SGCD: variants seen among roughly 807,000 people sequenced by gnomAD.
The protein encoded by SGCD is sarcoglycan delta.
A neutral mutation model predicts 36.6 loss-of-function variants in SGCD; 18 were observed. The ratio of observed to expected loss-of-function variants is 0.49; its 90% CI spans 0.34 to 0.73. The LOEUF (loss-of-function observed/expected upper bound fraction) is 0.73, where lower values mean the gene tolerates loss of function less well. SGCD is among the 30% of genes least tolerant of loss of function. The pLI is 0.01. For missense variants in SGCD, 387 were observed against 346.7 expected, an observed-to-expected ratio of 1.12 and a Z score of -0.92; for synonymous variants, 133 against 130.6, an observed-to-expected ratio of 1.02 and a Z score of -0.12.
At chr5:155,845,176 T>G in the SGCD span, among the ~76,000 whole-genome samples, 1 of 152,198 alleles carries the variant, frequency 6.6e-6, no homozygotes, top group East Asian at 1.9e-4. Flanking sequence ...CATCATCTTA[T>G]TTTTAAAATG....
rs1209947294 is a variant in SGCD, at chr5:155,966,935, A to G, written c.-282+96511A>G. On this transcript the variant is annotated intron_variant, in intron 1 of 9. Transcript: ENST00000517913. Reference sequence around the variant, plus strand: ...TTTACAAAGGCCAATATAGGTTTTCATGTGTGTGTGTGTGTGTGTGTGTAT... The same window carrying G: ...TTTACAAAGGCCAATATAGGTTTTCGTGTGTGTGTGTGTGTGTGTGTGTAT... 4.7e-5 allele frequency among the ~76,000 whole-genome samples: 7 copies of G among 148,184 alleles called. No individual in the cohort carries two copies. The East Asian group carries it at 6.0e-4, about 13-fold the overall frequency.
intron 1 of SGCD, among the ~76,000 whole-genome samples, chr5:155,880,857 T>C (rs1755866509): frequency 6.6e-6 from 1 of 152,164 alleles, no homozygotes; most frequent in Non-Finnish European, 1.5e-5. Context: ...TAATATCGTC[T>C]GAACCAGATC....
At chr5:156,621,914 T>C (rs1163229941) in intron 6 of SGCD, among the ~76,000 whole-genome samples, 1 of 152,224 alleles carries the variant, frequency 6.6e-6, no homozygotes, top group Non-Finnish European at 1.5e-5. Flanking sequence ...AGTTTCATTC[T>C]TATTTTCACT....
chr5:156,671,978 G>T (rs1753315341), intron 7 of SGCD, among the ~76,000 whole-genome samples: 1 of 152,096 alleles, frequency 6.6e-6, no homozygotes, highest in Admixed American at 6.5e-5. Context: ...CACTGTGAAG[G>T]CACAGTAGAG....
At chr5:156,730,279 G>A (rs1755990004) in intron 7 of SGCD, among the ~76,000 whole-genome samples, 1 of 152,030 alleles carries the variant, frequency 6.6e-6, no homozygotes, top group African/African-American at 2.4e-5. Context: ...TGTTACATAG[G>A]TAAACTTGTG....
At chr5:155,778,286 G>T in the SGCD span, among the ~76,000 whole-genome samples, 1 of 152,112 alleles carries the variant, frequency 6.6e-6, no homozygotes. Flanking sequence ...CTCCAGCATA[G>T]TAGTTTTTGG....
intron 3 of SGCD, among the ~76,000 whole-genome samples, chr5:156,441,803 G>A (rs536734586): frequency 6.6e-6 from 1 of 152,224 alleles, no homozygotes; most frequent in Admixed American, 6.5e-5. Context: ...TTTATTATTA[G>A]GACATCATGA....
intron 7 of SGCD, among the ~76,000 whole-genome samples, chr5:156,697,928 C>T (rs1268735064): frequency 1.3e-5 from 2 of 152,084 alleles, no homozygotes; most frequent in African/African-American, 4.8e-5. Context: ...TTCTCTCTCT[C>T]AAGTCAGGAG....
At chr5:156,411,049 A>G (rs145063898) in intron 3 of SGCD, among the ~76,000 whole-genome samples, 188 of 152,294 alleles carry the variant, frequency 1.2e-3, no homozygotes, top group African/African-American at 4.1e-3. Flanking sequence ...AGTCTTTGGT[A>G]TTATTTTAAA....
At chr5:155,979,837 C>G (rs1758190431) in intron 1 of SGCD, among the ~76,000 whole-genome samples, 1 of 152,126 alleles carries the variant, frequency 6.6e-6, no homozygotes, top group African/African-American at 2.4e-5. Context: ...ACTGGAGTAC[C>G]CACTGGGGCT....
chr5:156,354,433 C>A (rs939429201), intron 3 of SGCD, among the ~76,000 whole-genome samples: 17 of 152,134 alleles, frequency 1.1e-4, no homozygotes, highest in African/African-American at 4.1e-4. Flanking sequence ...AAAAAGGCTG[C>A]AAATTATAGA....
intron 1 of SGCD, among the ~76,000 whole-genome samples, chr5:155,897,953 C>T (rs1423857107): frequency 1.3e-5 from 2 of 152,104 alleles, no homozygotes; most frequent in South Asian, 2.1e-4. Flanking sequence ...GAATTGCTAG[C>T]GTCTAGACAT....
the SGCD span, among the ~76,000 whole-genome samples, chr5:155,778,064 T>C: frequency 6.6e-6 from 1 of 152,210 alleles, no homozygotes; most frequent in Non-Finnish European, 1.5e-5. Context: ...CTTTTGCATG[T>C]ACTTCTTGGC....
the SGCD span, among the ~76,000 whole-genome samples, chr5:155,794,838 G>A: frequency 6.6e-6 from 1 of 151,932 alleles, no homozygotes; most frequent in African/African-American, 2.4e-5. Context: ...TGAATCACAA[G>A]TAGAAAAAAA....
At chr5:156,119,959 T>C (rs1761995139) in intron 2 of SGCD, among the ~76,000 whole-genome samples, 1 of 152,212 alleles carries the variant, frequency 6.6e-6, no homozygotes, top group Non-Finnish European at 1.5e-5. Context: ...ACCTCTATGA[T>C]TAGCACTCTC....
Position 156,049,539 on chromosome 5 carries a change from C to G in SGCD, c.-281-68339C>G, listed in dbSNP as rs1023515057. On this transcript the variant is annotated intron_variant, in intron 1 of 9. Transcript: ENST00000517913. ...GTAGTTCTCCTTGAAGAGCACTAAA[C>G]GTGGAAAGGAACAACCAGTACCAGC... Among the ~76,000 whole-genome samples, 11 of 145,610 alleles carry G rather than the reference C, an allele frequency of 7.6e-5. 1 individual carries two copies. Among genetic ancestry groups the G allele is most frequent in the Admixed American group, 1.4e-4 (2 of 14,520 alleles).
intron 3 of SGCD, among the ~76,000 whole-genome samples, chr5:156,208,854 C>G (rs903953632): frequency 1.1e-4 from 16 of 152,200 alleles, no homozygotes; most frequent in African/African-American, 3.9e-4. Flanking sequence ...ACTATCCATT[C>G]AAGAAAATAC....
At chr5:156,712,757 T>G (rs1040481970) in intron 7 of SGCD, among the ~76,000 whole-genome samples, 1 of 152,158 alleles carries the variant, frequency 6.6e-6, no homozygotes, top group Non-Finnish European at 1.5e-5. Flanking sequence ...TTGTGTGCCA[T>G]TCCACAGGCC....
intron 3 of SGCD, among the ~76,000 whole-genome samples, chr5:156,418,001 C>T (rs906702233): frequency 6.6e-6 from 1 of 152,090 alleles, no homozygotes; most frequent in African/African-American, 2.4e-5. Flanking sequence ...CTTTCTTATC[C>T]ATTGTCTTGT....
Sources: gnomAD v4.1 joint callset for allele counts (sites outside exome capture counted in the v4.1 genomes callset) on GRCh38, gnomAD v4.1.1 for gene constraint, MANE v1.5 for transcripts, NCBI Gene and HGNC (gene_info 2026-07-23, HGNC 2026-07-21) for gene names.